The following P2RY14 variants were observed in gnomAD, a reference collection of about 807,000 sequenced individuals.
P2RY14 encodes purinergic receptor P2Y14.
In P2RY14, 2 loss-of-function variants were observed where a neutral mutation model predicts 0.9. That is an observed-to-expected ratio of 2.16 (90% CI 0.88 to 6.79). P2RY14 has a LOEUF of 6.79. P2RY14 is among the 30% of genes most tolerant of loss of function. The probability of loss-of-function intolerance (pLI) is 0.05; values close to 1 mark genes in which losing one functional copy is unlikely to be tolerated. For missense variants in P2RY14, 378 were observed against 400.1 expected (o/e 0.94, Z 0.47); for synonymous variants, 158 against 147.2 (o/e 1.07, Z -0.53).
rs188370993 is a variant in P2RY14 at position 151,214,495 on chromosome 3, C to T, written c.-24-155G>A. ...GTAAGTTAGACACTCATCCCTCCCT[C>T]CCTCTGTTCTTCCTTTTCTTTCTTT... On this transcript the variant is annotated intron_variant, in intron 2 of 2. Coordinates refer to ENST00000309170, the MANE Select transcript of P2RY14 (RefSeq NM_014879.4). Among the ~76,000 whole-genome samples the T allele has an allele frequency of 2.1e-4, 32 of 152,240 alleles. No homozygotes were observed. The East Asian group carries it at 5.6e-3, about 27-fold the overall frequency.
chr3:151,229,763 C>T (rs533026901), intron 1 of P2RY14, among the ~76,000 whole-genome samples: 2 of 152,082 alleles, frequency 1.3e-5, no homozygotes, highest in South Asian at 2.1e-4. Flanking sequence ...CTGCGCCAGG[C>T]GAACTGAGCA....
Position 151,213,618 on chromosome 3 carries a change from G to A in P2RY14, c.699C>T (p.Arg233=). Reference sequence around the variant, plus strand: ...ACACAAACACGATGCTGAATATGTTGCGGCTAGATTTCTTTTTGACCGAAG... The same window carrying A: ...ACACAAACACGATGCTGAATATGTTACGGCTAGATTTCTTTTTGACCGAAG... ...NSTSVKKKSS[R]NIFSIVFVFF... is the part of the protein sequence containing the mutation. The change falls in exon 3 of 3, where the codon CGC becomes CGT. Residue 233 remains arginine (R), a synonymous_variant. Transcript: ENST00000309170. The A allele has an allele frequency of 1.2e-6, 2 of 1,614,154 alleles. No homozygotes were observed. Among genetic ancestry groups the A allele is most frequent in the East Asian group, 2.2e-5 (1 of 44,890 alleles).
At chr3:151,260,654 A>C (rs62282988) in intron 1 of P2RY14, among the ~76,000 whole-genome samples, 38,862 of 152,052 alleles carry the variant, frequency 0.26, 5,295 homozygotes, top group South Asian at 0.3. Context: ...CCTGGCCCTA[A>C]AGCTGGTTTT....
At chr3:151,224,967 A>C (rs1202743717) in intron 1 of P2RY14, among the ~76,000 whole-genome samples, 2 of 152,356 alleles carry the variant, frequency 1.3e-5, no homozygotes. Flanking sequence ...TTACTAAAAT[A>C]ACTTACAGCG....
intron 1 of P2RY14, among the ~76,000 whole-genome samples, chr3:151,241,281 A>G (rs1208996016): frequency 1.3e-5 from 2 of 152,248 alleles, no homozygotes; most frequent in Non-Finnish European, 2.9e-5. Flanking sequence ...ACCAAAGGTT[A>G]TTAGTAAAAT....
At chr3:151,243,219 C>T (rs1439368555) in intron 1 of P2RY14, among the ~76,000 whole-genome samples, 18 of 151,976 alleles carry the variant, frequency 1.2e-4, no homozygotes, top group Admixed American at 9.8e-4. Flanking sequence ...AGAACTTCCC[C>T]AATCTAGCAA....
chr3:151,277,796 T>C (rs1742139164), intron 1 of P2RY14, among the ~76,000 whole-genome samples: 1 of 152,244 alleles, frequency 6.6e-6, no homozygotes, highest in Non-Finnish European at 1.5e-5. Flanking sequence ...GGTTAACTTA[T>C]CCTAATAATG....
At chr3:151,247,446 G>A (rs2149425566) in intron 1 of P2RY14, among the ~76,000 whole-genome samples, 1 of 151,956 alleles carries the variant, frequency 6.6e-6, no homozygotes, top group African/African-American at 2.4e-5. Flanking sequence ...AAAATGATGA[G>A]TTCATGTCCT....
chr3:151,263,976 A>G (rs1243210504), intron 1 of P2RY14, among the ~76,000 whole-genome samples: 1 of 152,218 alleles, frequency 6.6e-6, no homozygotes, highest in Non-Finnish European at 1.5e-5. Flanking sequence ...GAGATCTCTT[A>G]CCACCACTCC....
At chr3:151,247,479 G>A (rs1735824177) in intron 1 of P2RY14, among the ~76,000 whole-genome samples, 1 of 151,442 alleles carries the variant, frequency 6.6e-6, no homozygotes, top group Non-Finnish European at 1.5e-5. Flanking sequence ...GGATGAAATT[G>A]GAAATCATCA....
intron 1 of P2RY14, among the ~76,000 whole-genome samples, chr3:151,245,824 C>G (rs1274023798): frequency 6.7e-6 from 1 of 150,016 alleles, no homozygotes; most frequent in Non-Finnish European, 1.5e-5. Flanking sequence ...AAGAGGAAGT[C>G]AAATTGTCCC....
chr3:151,229,614 G>T (rs1475279441), intron 1 of P2RY14, among the ~76,000 whole-genome samples: 1 of 151,852 alleles, frequency 6.6e-6, no homozygotes, highest in African/African-American at 2.4e-5. Context: ...TAGTAGCTGG[G>T]ACTACAGGCG....
At chr3:151,258,924 T>C (rs1283029833) in intron 1 of P2RY14, among the ~76,000 whole-genome samples, 1 of 152,050 alleles carries the variant, frequency 6.6e-6, no homozygotes, top group Non-Finnish European at 1.5e-5. Flanking sequence ...GAGCTGTGGA[T>C]TCAGGTTGTG....
intron 1 of P2RY14, among the ~76,000 whole-genome samples, chr3:151,238,462 T>A (rs1027727971): frequency 5.9e-5 from 9 of 152,240 alleles, no homozygotes; most frequent in Non-Finnish European, 1.3e-4. Flanking sequence ...CAGTGGTTTT[T>A]AAAATGTGGT....
At chr3:151,243,681 A>G (rs1424954798) in intron 1 of P2RY14, among the ~76,000 whole-genome samples, 2 of 151,826 alleles carry the variant, frequency 1.3e-5, no homozygotes, top group Non-Finnish European at 2.9e-5. Flanking sequence ...TGTAAAGACC[A>G]TCAAGACTAG....
chr3:151,261,535 A>G (rs1738882062), intron 1 of P2RY14: 1 of 152,136 alleles, frequency 6.6e-6, no homozygotes, highest in Non-Finnish European at 1.5e-5. Context: ...AAATGCCCAC[A>G]TAACTCCTTA....
chr3:151,254,845 CT>C (rs953691428), intron 1 of P2RY14, among the ~76,000 whole-genome samples: 19 of 152,298 alleles, frequency 1.2e-4, no homozygotes, highest in African/African-American at 4.6e-4. Context: ...GCAATTATTG[CT>C]GTCTTATAAA....
At chr3:151,227,914 C>T (rs1730862506) in intron 1 of P2RY14, among the ~76,000 whole-genome samples, 1 of 152,150 alleles carries the variant, frequency 6.6e-6, no homozygotes, top group Admixed American at 6.5e-5. Context: ...CACTAGGTGG[C>T]AGTAGAACGC....
At chr3:151,237,375 G>T (rs1215492939) in intron 1 of P2RY14, among the ~76,000 whole-genome samples, 1 of 99,868 alleles carries the variant, frequency 1.0e-5, no homozygotes, top group Non-Finnish European at 1.9e-5. Flanking sequence ...TTGAGACAGA[G>T]TCTTACTCTT....
Sources: allele counts gnomAD v4.1 joint callset (sites outside exome capture counted in the v4.1 genomes callset), GRCh38; gene constraint gnomAD v4.1.1; transcripts MANE v1.5; gene names NCBI Gene and HGNC (gene_info 2026-07-23, HGNC 2026-07-21).